PTPRD: variants seen among roughly 807,000 people sequenced by gnomAD.
PTPRD encodes protein tyrosine phosphatase receptor type D, also known as receptor-type tyrosine-protein phosphatase delta.
In PTPRD, 34 loss-of-function variants were observed where a neutral mutation model predicts 214.5. The observed-to-expected ratio is 0.16, with a 90% CI of 0.12 to 0.21. The LOEUF is 0.21. Among genes scored for constraint, PTPRD ranks in the 10% least tolerant of loss-of-function variants. The pLI, the probability that PTPRD is intolerant of heterozygous loss-of-function variation, is 1.00. For missense variants in PTPRD, 2,545 were observed against 2,398.7 expected (o/e 1.06, Z -1.27); for synonymous variants, 1,128 against 845.7 (o/e 1.33, Z -5.79).
intron 5 of PTPRD, among the ~76,000 whole-genome samples, chr9:9,915,398 A>G (rs946100342): frequency 6.6e-6 from 1 of 152,130 alleles, no homozygotes; most frequent in African/African-American, 2.4e-5. Flanking sequence ...AAGGAAATAT[A>G]TGAAATGCCA....
rs148271210 is a variant in PTPRD at position 8,696,369 on chromosome 9, T to C, written c.64+37411A>G. ...TATTCACTTAACTATCAAATGTTTA[T>C]TGAACACCTACTTGCACTAAACTCT... On this transcript the variant is annotated intron_variant, in intron 12 of 45. Coordinates refer to ENST00000381196, the MANE Select transcript of PTPRD (RefSeq NM_002839.4). Among the ~76,000 whole-genome samples the C allele has an allele frequency of 2.9e-3, 437 of 152,354 alleles. 1 individual carries two copies. Among genetic ancestry groups the C allele is most frequent in the Non-Finnish European group, 5.0e-3 (339 of 68,028 alleles).
intron 5 of PTPRD, among the ~76,000 whole-genome samples, chr9:9,898,466 CATTTT>C (rs1209226002): frequency 6.6e-6 from 1 of 151,660 alleles, no homozygotes; most frequent in Non-Finnish European, 1.5e-5. Context: ...GTTTTATTGA[CATTTT>C]ATTTAACAGA....
At chr9:10,588,406 A>G (rs1234458253) in intron 2 of PTPRD, among the ~76,000 whole-genome samples, 1 of 137,040 alleles carries the variant, frequency 7.3e-6, no homozygotes, top group Non-Finnish European at 1.6e-5. Context: ...GGGACCATGA[A>G]GGTGTCATTT....
chr9:9,053,691 C>G (rs144299306), intron 10 of PTPRD, among the ~76,000 whole-genome samples: 317 of 151,970 alleles, frequency 2.1e-3, no homozygotes, highest in African/African-American at 6.9e-3. Context: ...TACAATAGCT[C>G]TAGGAAATTA....
At chr9:10,081,967 C>T (rs1343837991) in intron 3 of PTPRD, among the ~76,000 whole-genome samples, 1 of 151,992 alleles carries the variant, frequency 6.6e-6, no homozygotes, top group African/African-American at 2.4e-5. Flanking sequence ...ACTTAGGCCA[C>T]AGAGAGATTT....
intron 2 of PTPRD, among the ~76,000 whole-genome samples, chr9:10,552,924 G>C (rs1160605325): frequency 1.3e-5 from 2 of 152,176 alleles, no homozygotes; most frequent in East Asian, 3.8e-4. Flanking sequence ...CCAGTTTCTG[G>C]AGATTCACGT....
At chr9:8,782,623 A>C (rs568972560) in intron 11 of PTPRD, among the ~76,000 whole-genome samples, 277 of 132,282 alleles carry the variant, frequency 2.1e-3, no homozygotes, top group African/African-American at 7.7e-3. Context: ...TTTGAGACGG[A>C]GTCTCGCCCC....
chr9:10,466,058 G>T (rs1434768760), intron 2 of PTPRD, among the ~76,000 whole-genome samples: 1 of 152,186 alleles, frequency 6.6e-6, no homozygotes, highest in Non-Finnish European at 1.5e-5. Flanking sequence ...TTCTCAATTT[G>T]CAGTAGCTGG....
At chr9:10,428,331 A>G (rs2098644478) in intron 2 of PTPRD, among the ~76,000 whole-genome samples, 1 of 151,982 alleles carries the variant, frequency 6.6e-6, no homozygotes, top group South Asian at 2.1e-4. Context: ...CATATTGCAG[A>G]ATTTCTTTTA....
At chr9:10,587,132 G>T (rs1268547877) in intron 2 of PTPRD, among the ~76,000 whole-genome samples, 2 of 152,030 alleles carry the variant, frequency 1.3e-5, no homozygotes, top group Non-Finnish European at 2.9e-5. Flanking sequence ...GTGTAATCAT[G>T]AAAAGACCCA....
intron 3 of PTPRD, among the ~76,000 whole-genome samples, chr9:10,222,102 T>C (rs1437387291): frequency 6.6e-6 from 1 of 152,060 alleles, no homozygotes; most frequent in African/African-American, 2.4e-5. Context: ...GTTTGCAAAA[T>C]TGTCTAGTTT....
At chr9:10,559,253 G>T (rs975364503) in intron 2 of PTPRD, among the ~76,000 whole-genome samples, 1 of 151,992 alleles carries the variant, frequency 6.6e-6, no homozygotes, top group Non-Finnish European at 1.5e-5. Flanking sequence ...AAGTTGCAGG[G>T]GTTATACAAG....
intron 11 of PTPRD, among the ~76,000 whole-genome samples, chr9:8,856,612 T>TGCA (rs1234076133): frequency 6.6e-6 from 1 of 152,020 alleles, no homozygotes; most frequent in African/African-American, 2.4e-5. Context: ...ATACTTAAGG[T>TGCA]GCAAACTGTA....
chr9:8,844,847 T>G (rs1427569563), intron 11 of PTPRD, among the ~76,000 whole-genome samples: 1 of 152,214 alleles, frequency 6.6e-6, no homozygotes, highest in Non-Finnish European at 1.5e-5. Context: ...TAGTTGGTGT[T>G]ATTATTTAAT....
rs571272719 is a variant in PTPRD at position 8,919,745 on chromosome 9, G to C, written c.-104+98952C>G. ...CACGCATGCATGCACACACATACAT[G>C]TATACATGCATGCATGCATCCATGT... On this transcript the variant is annotated intron_variant, in intron 11 of 45. Transcript: ENST00000381196. Among the ~76,000 whole-genome samples, 82 of 151,832 alleles carry C rather than the reference G, an allele frequency of 5.4e-4. 1 individual carries two copies. Among genetic ancestry groups the C allele is most frequent in the African/African-American group, 1.9e-3 (79 of 41,506 alleles).
intron 2 of PTPRD, among the ~76,000 whole-genome samples, chr9:10,455,771 G>C (rs1468218773): frequency 1.3e-5 from 2 of 151,696 alleles, no homozygotes; most frequent in East Asian, 3.9e-4. Context: ...CAGCGATGTA[G>C]ATCTTTCTTC....
chr9:10,031,995 C>A (rs1400504885), intron 4 of PTPRD, among the ~76,000 whole-genome samples: 2 of 152,030 alleles, frequency 1.3e-5, no homozygotes, highest in Non-Finnish European at 2.9e-5. Flanking sequence ...TGTAGGCTGC[C>A]TAGTCTGGAA....
chr9:9,701,438 T>C (rs1034384467), intron 7 of PTPRD, among the ~76,000 whole-genome samples: 4 of 152,166 alleles, frequency 2.6e-5, no homozygotes, highest in East Asian at 1.9e-4. Context: ...AACCTAGAGA[T>C]TGTAGGTAAC....
intron 9 of PTPRD, among the ~76,000 whole-genome samples, chr9:9,361,846 A>G (rs2056282928): frequency 6.6e-6 from 1 of 151,098 alleles, no homozygotes; most frequent in African/African-American, 2.4e-5. Flanking sequence ...ACAACTATTT[A>G]TCAGGGCCTA....
Sources: allele counts gnomAD v4.1 joint callset (sites outside exome capture counted in the v4.1 genomes callset), GRCh38; gene constraint gnomAD v4.1.1; transcripts MANE v1.5; gene names NCBI Gene and HGNC (gene_info 2026-07-23, HGNC 2026-07-21).